The following MYO1B variants were observed in gnomAD, a reference collection of about 807,000 sequenced individuals.
MYO1B encodes myosin IB.
MYO1B carries 72 observed loss-of-function variants against 159.7 expected under a neutral mutation model. The observed-to-expected ratio is 0.45, with a 90% CI of 0.37 to 0.55. MYO1B has a LOEUF of 0.55. Ranked by LOEUF, MYO1B falls within the 20% of genes least tolerant of loss-of-function variation. MYO1B has a pLI of 0.00. For missense variants in MYO1B, 1,062 were observed against 1,364.8 expected (o/e 0.78, Z 3.50); for synonymous variants, 468 against 473.8 (o/e 0.99, Z 0.16).
chr2:191,286,607 T>C (rs1393219432), intron 2 of MYO1B, among the ~76,000 whole-genome samples: 2 of 152,230 alleles, frequency 1.3e-5, no homozygotes, highest in Admixed American at 6.5e-5. Context: ...CCTTATGTGC[T>C]TATCTGAAAA....
intron 3 of MYO1B, among the ~76,000 whole-genome samples, chr2:191,307,469 T>C (rs1438005569): frequency 2.0e-5 from 3 of 152,206 alleles, no homozygotes; most frequent in African/African-American, 7.2e-5. Context: ...TATCTTGGGC[T>C]GACCTTCTCT....
chr2:191,401,891 A>G (rs186211711), intron 23 of MYO1B: 3 of 152,358 alleles, frequency 2.0e-5, no homozygotes, highest in Non-Finnish European at 4.4e-5. Flanking sequence ...TCAGTACTAT[A>G]ATATCTTGAA....
intron 1 of MYO1B, chr2:191,263,525 A>T (rs923926050): frequency 2.5e-5 from 4 of 161,330 alleles, no homozygotes; most frequent in Non-Finnish European, 5.2e-5. Context: ...GATTTATAAT[A>T]TAATAATGTA....
At chr2:191,361,660 A>C (rs1693682006) in intron 8 of MYO1B, among the ~76,000 whole-genome samples, 1 of 151,660 alleles carries the variant, frequency 6.6e-6, no homozygotes, top group African/African-American at 2.4e-5. Context: ...TATTAGCAAA[A>C]GTTATTAAGG....
chr2:191,265,714 G>A (rs1334846242), intron 1 of MYO1B, among the ~76,000 whole-genome samples: 4 of 152,146 alleles, frequency 2.6e-5, no homozygotes, highest in South Asian at 2.1e-4. Flanking sequence ...TCGAAGGAAC[G>A]CATTGAAAAG....
intron 1 of MYO1B, among the ~76,000 whole-genome samples, chr2:191,264,436 T>G (rs1687005343): frequency 6.6e-6 from 1 of 152,172 alleles, no homozygotes; most frequent in Non-Finnish European, 1.5e-5. Flanking sequence ...TGATGCATAT[T>G]TTTTCCCCTC....
intron 24 of MYO1B, among the ~76,000 whole-genome samples, chr2:191,405,208 A>G (rs1197101416): frequency 6.6e-6 from 1 of 151,902 alleles, no homozygotes; most frequent in African/African-American, 2.4e-5. Context: ...ATAAGAAGCA[A>G]CTCCTTGTTC....
At chr2:191,402,946 C>T (rs1696702056) in intron 24 of MYO1B, among the ~76,000 whole-genome samples, 1 of 152,060 alleles carries the variant, frequency 6.6e-6, no homozygotes, top group Non-Finnish European at 1.5e-5. Context: ...AGCAATATGG[C>T]ATGTTTTATT....
At chr2:191,293,627 A>G (rs1158761173) in intron 2 of MYO1B, among the ~76,000 whole-genome samples, 2 of 152,156 alleles carry the variant, frequency 1.3e-5, no homozygotes, top group African/African-American at 2.4e-5. Flanking sequence ...CTGTCATGGC[A>G]CTGGTGGGAG....
At chr2:191,358,967 A>G (rs189117223) in intron 7 of MYO1B, among the ~76,000 whole-genome samples, 2 of 152,252 alleles carry the variant, frequency 1.3e-5, no homozygotes, top group African/African-American at 4.8e-5. Context: ...TCGTGCATGA[A>G]TGGATGAAGT....
chr2:191,309,735 A>G (rs530771234), intron 3 of MYO1B, among the ~76,000 whole-genome samples: 56 of 152,338 alleles, frequency 3.7e-4, no homozygotes, highest in African/African-American at 8.4e-4. Context: ...AGGAATAGCA[A>G]TCCCTGAAAT....
At chr2:191,376,057 A>G (rs1235587047) in intron 13 of MYO1B, among the ~76,000 whole-genome samples, 1 of 152,154 alleles carries the variant, frequency 6.6e-6, no homozygotes. Context: ...GTTCTGTGTA[A>G]TAATATGTGT....
intron 7 of MYO1B, among the ~76,000 whole-genome samples, chr2:191,355,192 AG>A (rs1298572493): frequency 6.6e-6 from 1 of 152,242 alleles, no homozygotes; most frequent in East Asian, 1.9e-4. Context: ...CATATGAGTG[AG>A]GACATCTTAG....
At chr2:191,419,840 T>C (rs1310064369) in intron 30 of MYO1B, among the ~76,000 whole-genome samples, 1 of 150,532 alleles carries the variant, frequency 6.6e-6, no homozygotes, top group African/African-American at 2.4e-5. Flanking sequence ...TAGAATAAGG[T>C]TATAAAGAAA....
At chr2:191,358,633 A>G (rs1344655990) in intron 7 of MYO1B, among the ~76,000 whole-genome samples, 3 of 152,092 alleles carry the variant, frequency 2.0e-5, no homozygotes, top group African/African-American at 7.2e-5. Context: ...GGGCTTTTTG[A>G]TGGTGTTATT....
chr2:191,352,336 CTG>C lies in MYO1B; in HGVS notation c.562+2113_562+2114del, dbSNP rs1052258409. Among the ~76,000 whole-genome samples the C allele has an allele frequency of 3.3e-5, 5 of 152,182 alleles. No homozygotes were observed. In the South Asian group the frequency reaches 8.3e-4, roughly 25 times the overall value. On this transcript the variant is annotated intron_variant, in intron 7 of 30. Transcript: ENST00000392318. ...CTCTAGCTATAAAATTAATAAAACACTGTTTTTAAAAATGAGAGTAGGTTTAC... is the reference window on the plus strand; with the variant it reads ...CTCTAGCTATAAAATTAATAAAACACTTTTTAAAAATGAGAGTAGGTTTAC...
chr2:191,256,956 T>A (rs63180260), intron 1 of MYO1B, among the ~76,000 whole-genome samples: 3 of 148,988 alleles, frequency 2.0e-5, no homozygotes, highest in Non-Finnish European at 3.0e-5. Flanking sequence ...ATTTTTTTTT[T>A]AATCTGTCAT....
intron 27 of MYO1B, among the ~76,000 whole-genome samples, chr2:191,412,051 A>G (rs1032999667): frequency 1.3e-5 from 2 of 152,182 alleles, no homozygotes; most frequent in Non-Finnish European, 2.9e-5. Context: ...CTTTTAAAGG[A>G]TTAAAGGAAT....
In MYO1B at chr2:191,400,816, C is replaced by G; in HGVS notation, c.2450C>G (p.Ala817Gly). The G allele has an allele frequency of 1.2e-6, 2 of 1,613,940 alleles. No individual in the cohort carries two copies. The highest frequency in any genetic ancestry group is 1.7e-6 in the Non-Finnish European group (2 of 1,179,862). Residue 817 changes from alanine to glycine, a missense_variant, in exon 23 of 31, where the codon GCT becomes GGT. Physicochemically the swap from Ala to Gly is moderately conservative, Grantham distance 60. Coordinates refer to ENST00000392318, the MANE Select transcript of MYO1B (RefSeq NM_001130158.3). The part of the protein sequence containing the change: ...RNKHAIAVIW[A>G]YWLGSKARRE... ...AAACATGCTATTGCAGTTATTTGGG[C>G]TTACTGGCTTGGATCTAAGGTACTT...
Sources: gnomAD v4.1 joint callset for allele counts (sites outside exome capture counted in the v4.1 genomes callset) on GRCh38, gnomAD v4.1.1 for gene constraint, MANE v1.5 for transcripts, NCBI Gene and HGNC (gene_info 2026-07-23, HGNC 2026-07-21) for gene names.